ILDR2: variants seen among roughly 807,000 people sequenced by gnomAD.
ILDR2 encodes the protein immunoglobulin-like domain-containing receptor 2.
A neutral mutation model predicts 66.8 loss-of-function variants in ILDR2; 25 were observed. The ratio of observed to expected loss-of-function variants is 0.37; its 90% CI spans 0.27 to 0.52. The LOEUF is 0.52. ILDR2 is among the 20% of genes least tolerant of loss of function. The pLI is 0.88. For synonymous variants in ILDR2, 367 were observed against 357.2 expected (o/e 1.03, Z -0.31); for missense variants, 827 against 876.8 (o/e 0.94, Z 0.72).
rs372736354 is a variant in ILDR2, at chr1:166,957,822, G to A, written c.326C>T (p.Ser109Leu). ...GTAGAAATCTCCCAGGGTGACAGTCGAGCCCTGTTTTGAAGCTACTACTCG... is the reference window on the plus strand; with the variant it reads ...GTAGAAATCTCCCAGGGTGACAGTCAAGCCCTGTTTTGAAGCTACTACTCG... ...TVRVVASKQG[S>L]TVTLGDFYRG... Residue 109 changes from serine (S) to leucine (L), a missense_variant, in exon 2 of 10, where the codon TCG becomes TTG. Physicochemically the swap from Ser to Leu is moderately radical, Grantham distance 145. This residue lies in a region of ILDR2 where 437 missense variants were observed against 523.2 expected (regional missense o/e 0.84). Transcript: ENST00000271417. 22 of 1,614,062 alleles carry A rather than the reference G, an allele frequency of 1.4e-5. No homozygotes were observed. Among genetic ancestry groups the A allele is most frequent in the South Asian group, 2.2e-5 (2 of 91,080 alleles).
chr1:166,909,770 A>AATATATATAAAT lies in ILDR2; in HGVS notation c.*9584_*9585insATTTATATATAT, dbSNP rs1491310704. The AATATATATAAAT allele has an allele frequency of 3.9e-3, 257 of 66,124 alleles. 3 individuals are homozygous for AATATATATAAAT. Among genetic ancestry groups the AATATATATAAAT allele is most frequent in the Non-Finnish European group, 5.1e-3 (195 of 38,108 alleles). 4.1% of individuals were successfully genotyped at this position (66,124 alleles called of 1,614,324 possible). A position where few individuals can be genotyped will look rare whatever the true frequency, so the allele number is the denominator to read the frequency against. On this transcript the variant is annotated 3_prime_UTR_variant, in exon 10 of 10. Transcript: ENST00000271417. ...ATATATATATATATAAATATATATA[A>AATATATATAAAT]ATATATATATTTATATATATATATA... is the stretch of plus-strand genomic sequence containing the variant.
intron 3 of ILDR2, among the ~76,000 whole-genome samples, chr1:166,954,616 G>T (rs1029989399): frequency 6.6e-6 from 1 of 152,192 alleles, no homozygotes; most frequent in Middle Eastern, 3.2e-3. Flanking sequence ...CTACTGCAAC[G>T]AGTTTGGATT....
At chr1:166,906,891 T>A (rs1659360566), downstream of ILDR2, among the ~76,000 whole-genome samples, 1 of 152,198 alleles carries the variant, frequency 6.6e-6, no homozygotes, top group Non-Finnish European at 1.5e-5. Context: ...GCTCTAGGGT[T>A]TCGCCTGGAC....
intron 1 of ILDR2, among the ~76,000 whole-genome samples, chr1:166,968,497 T>A (rs955653600): frequency 6.6e-6 from 1 of 152,204 alleles, no homozygotes; most frequent in Non-Finnish European, 1.5e-5. Flanking sequence ...TAAAGACTGA[T>A]ACATGGTAAG....
intron 6 of ILDR2, chr1:166,933,448 G>C (rs1225464651): frequency 2.2e-6 from 1 of 450,280 alleles, no homozygotes; most frequent in Non-Finnish European, 2.9e-6. Flanking sequence ...AGGTCCTTCA[G>C]GGCTGCCACC....
At chr1:166,905,351 C>T (rs902868280), downstream of ILDR2, among the ~76,000 whole-genome samples, 3 of 152,186 alleles carry the variant, frequency 2.0e-5, no homozygotes, top group Non-Finnish European at 4.4e-5. Flanking sequence ...ATTGCAGAAG[C>T]TGAGCCAGCT....
chr1:166,944,974 A>ACC (rs529437254), intron 3 of ILDR2, among the ~76,000 whole-genome samples: 1 of 151,972 alleles, frequency 6.6e-6, no homozygotes, highest in Non-Finnish European at 1.5e-5. Context: ...CACCTCACCC[A>ACC]CCCATCAGGA....
chr1:166,920,806 G>A lies in ILDR2; in HGVS notation c.1785C>T (p.Ser595=), dbSNP rs1659876379. Residue 595 remains serine (S), a synonymous_variant, in exon 9 of 10, where the codon AGC becomes AGT. Coordinates refer to ENST00000271417, the MANE Select transcript of ILDR2 (RefSeq NM_199351.3). ...ACGGGCCGCGGGTCAGCTCCAGCTC[G>A]CTGTAGGGCGGCAGCGCGTCGTCGG... ...DASDDALPPY[S]ELELTRGPSY... 2.0e-6 allele frequency: 3 copies of A among 1,531,370 alleles called. No individual in the cohort carries two copies. The highest frequency in any genetic ancestry group is 1.4e-5 in the African/African-American group (1 of 70,768). The allele number at this position is 1,531,370 out of a possible 1,614,324, so 94.9% of individuals were successfully genotyped here. A position where few individuals can be genotyped will look rare whatever the true frequency, so the allele number is the denominator to read the frequency against.
At chr1:166,937,955 A>T (rs972735454) in intron 4 of ILDR2, among the ~76,000 whole-genome samples, 4 of 152,258 alleles carry the variant, frequency 2.6e-5, no homozygotes, top group Non-Finnish European at 5.9e-5. Context: ...AATGGGTTGT[A>T]TAATAATGGT....
At chr1:166,969,983 T>A (rs1663185813) in intron 1 of ILDR2, among the ~76,000 whole-genome samples, 1 of 152,182 alleles carries the variant, frequency 6.6e-6, no homozygotes, top group Non-Finnish European at 1.5e-5. Flanking sequence ...ATGAAAGCCA[T>A]TTAACACATA....
rs1472877581 is a variant in ILDR2 at position 166,921,919 on chromosome 1, G to T, written c.1212-540C>A. ...GGTAAAGGACAGATGAGTGGTGAAG[G>T]TGCTATTTAGGGGGAATAGCAAATC... On this transcript the variant is annotated intron_variant, in intron 8 of 9. Transcript: ENST00000271417. This position sits in a 1 kb window ranked among gnomAD's most constrained non-coding sequence, Gnocchi z 5.3. Among the ~76,000 whole-genome samples, 1 of 152,162 alleles carries T rather than the reference G, an allele frequency of 6.6e-6. No individual in the cohort carries two copies. Among genetic ancestry groups the T allele is most frequent in the Non-Finnish European group, 1.5e-5 (1 of 68,034 alleles).
At chr1:166,937,025 G>A (rs547604494) in intron 4 of ILDR2, among the ~76,000 whole-genome samples, 1 of 152,130 alleles carries the variant, frequency 6.6e-6, no homozygotes, top group Non-Finnish European at 1.5e-5. Flanking sequence ...CCTATACTGG[G>A]GAAAGGATTT....
chr1:166,973,841 C>A (rs1571224421), intron 1 of ILDR2, among the ~76,000 whole-genome samples: 1 of 152,118 alleles, frequency 6.6e-6, no homozygotes, highest in Non-Finnish European at 1.5e-5. Context: ...GAGGGATGAA[C>A]TCAAAGCAGC....
intron 3 of ILDR2, among the ~76,000 whole-genome samples, chr1:166,949,257 T>A (rs1005411983): frequency 1.3e-5 from 2 of 152,264 alleles, no homozygotes; most frequent in Non-Finnish European, 2.9e-5. Flanking sequence ...CTCCAAACAT[T>A]GCCAAATATC....
intron 3 of ILDR2, among the ~76,000 whole-genome samples, chr1:166,954,533 G>A (rs529411379): frequency 6.5e-4 from 99 of 152,196 alleles, no homozygotes; most frequent in African/African-American, 2.3e-3. Context: ...CTCTAATGTT[G>A]AACAAAACAG....
intron 4 of ILDR2, among the ~76,000 whole-genome samples, chr1:166,939,048 G>A (rs1361390235): frequency 2.6e-5 from 4 of 152,160 alleles, no homozygotes; most frequent in Admixed American, 6.5e-5. Context: ...ATTTTTCAAG[G>A]GAGGAGGGGT....
chr1:166,967,312 A>G (rs1169067309), intron 1 of ILDR2, among the ~76,000 whole-genome samples: 7 of 152,132 alleles, frequency 4.6e-5, no homozygotes, highest in Non-Finnish European at 4.4e-5. Context: ...CTTACAGGAG[A>G]GAGAAATACA....
intron 7 of ILDR2, among the ~76,000 whole-genome samples, chr1:166,925,871 G>T (rs963780099): frequency 6.6e-5 from 10 of 152,144 alleles, no homozygotes; most frequent in African/African-American, 1.9e-4. Flanking sequence ...TTTTCTCTGA[G>T]CTGTGAGATT....
rs1557939659 is a variant in ILDR2, at chr1:166,935,406, T to C, written c.775A>G (p.Ile259Val). 6.2e-7 allele frequency: 1 copy of C among 1,613,758 alleles called. No individual in the cohort carries two copies. The highest frequency in any genetic ancestry group is 2.2e-5 in the East Asian group (1 of 44,840). ...SVSGVPGPYS[I>V]PSVPLGGAPS... ...GCTCCTCCCAAAGGGACAGAGGGGA[T>C]GGAGTAAGGGCCGGGGACACCGGAG... The change falls in exon 6 of 10, where the codon ATC (isoleucine) becomes GTC (valine). Residue 259 changes from isoleucine (I) to valine (V), a missense_variant. Physicochemically the swap from Ile to Val is conservative, Grantham distance 29. Around this residue, in one of 2 missense-constraint regions of ILDR2, gnomAD observed 437 missense variants for 523.2 expected, o/e 0.84. Transcript: ENST00000271417.
Sources: allele counts gnomAD v4.1 joint callset (sites outside exome capture counted in the v4.1 genomes callset), GRCh38; gene constraint gnomAD v4.1.1; regional missense constraint gnomAD v4.1.1; non-coding constraint Gnocchi (gnomAD v3.1); transcripts MANE v1.5; gene names NCBI Gene and HGNC (gene_info 2026-07-23, HGNC 2026-07-21).